Variants in PLCH1 observed in about 807,000 individuals in gnomAD.
PLCH1 encodes the protein 1-phosphatidylinositol 4,5-bisphosphate phosphodiesterase eta-1.
PLCH1 carries 60 observed loss-of-function variants against 126.7 expected under a neutral mutation model. That is an observed-to-expected ratio of 0.47 (90% confidence interval 0.38 to 0.59). The LOEUF (loss-of-function observed/expected upper bound fraction) is 0.59. PLCH1 is among the 20% of genes least tolerant of loss of function. The probability of loss-of-function intolerance (pLI) is 0.00; values close to 1 mark genes in which losing one functional copy is unlikely to be tolerated. For synonymous variants in PLCH1, 719 were observed against 734.9 expected, an observed-to-expected ratio of 0.98 and a Z score of 0.35; for missense variants, 1,723 against 2,040.0, an observed-to-expected ratio of 0.84 and a Z score of 2.99.
chr3:155,692,515 T>C (rs1745468964), intron 2 of PLCH1, among the ~76,000 whole-genome samples: 1 of 152,040 alleles, frequency 6.6e-6, no homozygotes, highest in African/African-American at 2.4e-5. Flanking sequence ...GTTCCAGAGA[T>C]GATTTACCTG....
chr3:155,650,163 A>G (rs1027451374), intron 2 of PLCH1, among the ~76,000 whole-genome samples: 5 of 152,102 alleles, frequency 3.3e-5, no homozygotes, highest in Admixed American at 6.5e-5. Flanking sequence ...AGCTTATGCT[A>G]TTTTACTCTC....
In PLCH1 at chr3:155,700,635, A is replaced by G. The variant is rs189906572; in HGVS notation, c.79+3511T>C. Among the ~76,000 whole-genome samples, 577 of 152,360 alleles carry G rather than the reference A, an allele frequency of 3.8e-3. 1 individual carries two copies. The highest frequency in any genetic ancestry group is 7.1e-3 in the Admixed American group (108 of 15,302). On this transcript the variant is annotated intron_variant, in intron 2 of 22. Coordinates refer to ENST00000460012, the MANE Select transcript of PLCH1 (RefSeq NM_014996.4). ...TAACTAGCAGTATGTGAAGACAAAC[A>G]TTAAGTCACTTAGTAAGGAGCTCAA... is the stretch of plus-strand genomic sequence containing the variant.
intron 2 of PLCH1, among the ~76,000 whole-genome samples, chr3:155,618,686 G>A (rs1577156382): frequency 6.6e-6 from 1 of 152,050 alleles, no homozygotes; most frequent in East Asian, 1.9e-4. Context: ...TGGCTCTGTT[G>A]CCCAGGCTAG....
At chr3:155,475,459 A>C (rs1271736267), downstream of PLCH1, among the ~76,000 whole-genome samples, 6 of 152,098 alleles carry the variant, frequency 3.9e-5, no homozygotes, top group African/African-American at 1.4e-4. Flanking sequence ...AAAAAAATAA[A>C]TAATAAAGAT....
intron 2 of PLCH1, among the ~76,000 whole-genome samples, chr3:155,673,477 A>T (rs1743746965): frequency 6.6e-6 from 1 of 151,748 alleles, no homozygotes; most frequent in Admixed American, 6.6e-5. Flanking sequence ...TTTCCTCCCT[A>T]AAAAAAACAG....
intron 5 of PLCH1, among the ~76,000 whole-genome samples, chr3:155,585,743 T>C (rs1481974744): frequency 6.6e-6 from 1 of 152,200 alleles, no homozygotes; most frequent in Admixed American, 6.5e-5. Flanking sequence ...GTCTTTATTC[T>C]GATCCTCACA....
At chr3:155,734,146 G>A (rs1339202294) in intron 1 of PLCH1, among the ~76,000 whole-genome samples, 1 of 151,768 alleles carries the variant, frequency 6.6e-6, no homozygotes, top group Non-Finnish European at 1.5e-5. Context: ...AAATTAATAC[G>A]GCATGGAGGT....
chr3:155,574,630 A>G (rs753601005), intron 6 of PLCH1, among the ~76,000 whole-genome samples: 9 of 152,234 alleles, frequency 5.9e-5, no homozygotes, highest in Non-Finnish European at 1.3e-4. Flanking sequence ...GTCAGTTCAT[A>G]TTCAACTGAA....
chr3:155,585,966 A>G (rs1271503553), intron 5 of PLCH1, 99 bp downstream of exon 5: 2 of 977,188 alleles, frequency 2.0e-6, no homozygotes, highest in Admixed American at 4.0e-5. Flanking sequence ...GAGCACATAT[A>G]TTAGCTTCCA....
chr3:155,656,086 T>C (rs995543409), intron 2 of PLCH1, among the ~76,000 whole-genome samples: 11 of 152,022 alleles, frequency 7.2e-5, no homozygotes, highest in African/African-American at 2.7e-4. Flanking sequence ...GATAATTTCC[T>C]AAAAAGATAT....
intron 2 of PLCH1, among the ~76,000 whole-genome samples, chr3:155,631,436 T>C (rs1299764889): frequency 1.3e-5 from 2 of 152,144 alleles, no homozygotes; most frequent in Non-Finnish European, 2.9e-5. Context: ...CCGGGAGATG[T>C]AGGAGCTTTG....
At chr3:155,737,287 C>T (rs1749271970) in intron 1 of PLCH1, among the ~76,000 whole-genome samples, 1 of 146,882 alleles carries the variant, frequency 6.8e-6, no homozygotes, top group South Asian at 2.2e-4. Context: ...ACTTCTGTCC[C>T]TTAGTAATCA....
chr3:155,517,354 T>G (rs1720482148), intron 11 of PLCH1, among the ~76,000 whole-genome samples: 1 of 152,190 alleles, frequency 6.6e-6, no homozygotes, highest in African/African-American at 2.4e-5. Context: ...TTTAACAAAT[T>G]GCTACAAACC....
At position 155,490,817 on chromosome 3, in the gene PLCH1, A is replaced by G; in HGVS notation, c.2359T>C (p.Cys787Arg). ...VEIIGLPVDC[C>R]KDQTRVVDDN... Reference sequence around the variant, plus strand: ...TCTACCACACGGGTTTGATCTTTACAACAATCTACTGGCAATCCAATAATT... The same window carrying G: ...TCTACCACACGGGTTTGATCTTTACGACAATCTACTGGCAATCCAATAATT... The change falls in exon 19 of 23, where the codon TGT becomes CGT. Residue 787 changes from cysteine (C) to arginine (R), a missense_variant. By Grantham distance (180) the Cys-to-Arg change is radical. This residue lies in a region of PLCH1 where 776 missense variants were observed against 1,062.9 expected (regional missense o/e 0.73). Coordinates refer to ENST00000460012, the MANE Select transcript of PLCH1 (RefSeq NM_014996.4). 6.3e-7 allele frequency: 1 copy of G among 1,599,794 alleles called. No individual in the cohort carries two copies. Among genetic ancestry groups the G allele is most frequent in the Non-Finnish European group, 8.6e-7 (1 of 1,167,346 alleles).
chr3:155,727,871 G>C (rs1748460550), intron 1 of PLCH1, among the ~76,000 whole-genome samples: 2 of 151,190 alleles, frequency 1.3e-5, no homozygotes, highest in South Asian at 4.2e-4. Context: ...TCTTAAGTTA[G>C]AAAGAAAATA....
At chr3:155,659,466 A>G (rs1360350179) in intron 2 of PLCH1, among the ~76,000 whole-genome samples, 2 of 151,008 alleles carry the variant, frequency 1.3e-5, no homozygotes, top group Non-Finnish European at 3.0e-5. Context: ...CTCAGAGTAC[A>G]GACTAATGCC....
At chr3:155,538,548 T>G (rs1239388885) in intron 10 of PLCH1, among the ~76,000 whole-genome samples, 2 of 151,900 alleles carry the variant, frequency 1.3e-5, no homozygotes, top group Non-Finnish European at 2.9e-5. Context: ...TAAGCTCAAT[T>G]AGAAACAAAA....
At chr3:155,533,942 G>A (rs940621954) in intron 10 of PLCH1, among the ~76,000 whole-genome samples, 1 of 152,206 alleles carries the variant, frequency 6.6e-6, no homozygotes, top group African/African-American at 2.4e-5. Flanking sequence ...GGGAACCTCT[G>A]CCTAGATTTC....
chr3:155,590,682 G>A (rs1457321500), intron 4 of PLCH1, among the ~76,000 whole-genome samples: 2 of 152,110 alleles, frequency 1.3e-5, no homozygotes, highest in Non-Finnish European at 2.9e-5. Context: ...CCCAGGAGGC[G>A]GAGCTTGCAG....
Sources: gnomAD v4.1 joint callset for allele counts (sites outside exome capture counted in the v4.1 genomes callset) on GRCh38, gnomAD v4.1.1 for gene constraint, gnomAD v4.1.1 regional missense constraint, MANE v1.5 for transcripts, NCBI Gene and HGNC (gene_info 2026-07-23, HGNC 2026-07-21) for gene names.